ADAMTS14: variants seen among roughly 807,000 people sequenced by gnomAD.
ADAMTS14 encodes A disintegrin and metalloproteinase with thrombospondin motifs 14.
A neutral mutation model predicts 128.6 loss-of-function variants in ADAMTS14; 100 were observed. The ratio of observed to expected loss-of-function variants is 0.78; its 90% confidence interval spans 0.66 to 0.92. The LOEUF is 0.92. Ranked by LOEUF, ADAMTS14 falls within the 40% of genes least tolerant of loss-of-function variation. ADAMTS14 has a pLI of 0.00. For synonymous variants in ADAMTS14, 665 were observed against 653.8 expected (o/e 1.02, Z -0.26); for missense variants, 1,562 against 1,658.6 (o/e 0.94, Z 1.01).
At chr10:70,681,815 G>A (rs1839816410) in intron 2 of ADAMTS14, among the ~76,000 whole-genome samples, 1 of 152,226 alleles carries the variant, frequency 6.6e-6, no homozygotes, top group South Asian at 2.1e-4. Context: ...TGACCTGCAG[G>A]CCTCCTGCCC....
chr10:70,699,585 C>T (rs1840435422), intron 2 of ADAMTS14, among the ~76,000 whole-genome samples: 1 of 152,016 alleles, frequency 6.6e-6, no homozygotes. Context: ...CTTGAAAGGT[C>T]TGTAGCCCAT....
intron 4 of ADAMTS14, among the ~76,000 whole-genome samples, chr10:70,711,387 G>GT (rs1159870213): frequency 6.6e-6 from 1 of 152,208 alleles, no homozygotes; most frequent in Non-Finnish European, 1.5e-5. Context: ...ATCACTACAC[G>GT]TTAGAGAGGG....
intron 4 of ADAMTS14, among the ~76,000 whole-genome samples, chr10:70,710,136 G>A (rs1840800824): frequency 6.6e-6 from 1 of 152,370 alleles, no homozygotes; most frequent in South Asian, 2.1e-4. Context: ...ATAGACCCCA[G>A]CTCAGCATGG....
At chr10:70,704,518 C>A (rs926647452) in intron 3 of ADAMTS14, among the ~76,000 whole-genome samples, 3 of 150,534 alleles carry the variant, frequency 2.0e-5, no homozygotes, top group Non-Finnish European at 4.4e-5. Flanking sequence ...CAAACACACA[C>A]CCATACACCC....
At chr10:70,730,998 G>T (rs998162207) in intron 6 of ADAMTS14, among the ~76,000 whole-genome samples, 4 of 151,680 alleles carry the variant, frequency 2.6e-5, no homozygotes, top group Admixed American at 6.6e-5. Flanking sequence ...GAAATCAGTT[G>T]GTCAGCCCTG....
At position 70,733,955 on chromosome 10, in the gene ADAMTS14, C is replaced by T. The variant is rs1841736371; in HGVS notation, c.1279C>T (p.Pro427Ser). Residue 427 changes from proline to serine, a missense_variant, in exon 8 of 22, where the codon CCC becomes TCC. Pro to Ser is a moderately conservative substitution (Grantham distance 74). Transcript: ENST00000373207. Reference sequence around the variant, plus strand: ...GACCAGCCTGGGCAGCGTCATGGCGCCCCTGGTGCAGGCTGCCTTCCACCG... The same window carrying T: ...GACCAGCCTGGGCAGCGTCATGGCGTCCCTGGTGCAGGCTGCCTTCCACCG... The part of the protein sequence containing the change: ...DETSLGSVMA[P>S]LVQAAFHRFH... The T allele has an allele frequency of 6.2e-7, 1 of 1,613,896 alleles. No individual in the cohort carries two copies. The highest frequency in any genetic ancestry group is 8.5e-7 in the Non-Finnish European group (1 of 1,179,998).
chr10:70,717,183 G>T (rs1841081716), intron 4 of ADAMTS14, among the ~76,000 whole-genome samples: 1 of 152,192 alleles, frequency 6.6e-6, no homozygotes, highest in Admixed American at 6.5e-5. Flanking sequence ...TTTTGGTCTG[G>T]CTGCAAAAAC....
In ADAMTS14 at chr10:70,752,078, G is replaced by A; in HGVS notation, c.2597-17G>A. The stretch of plus-strand genomic sequence containing the variant: ...GCCTGGCTGGACTAGGCCCACGGCA[G>A]CCTGCCCACCCCATAGGGATCCAGT... On this transcript the variant is annotated splice_polypyrimidine_tract_variant and intron_variant, in intron 17 of 21. Transcript: ENST00000373207. 1 of 1,605,180 alleles carries A rather than the reference G, an allele frequency of 6.2e-7. No individual in the cohort carries two copies. Among genetic ancestry groups the A allele is most frequent in the Middle Eastern group, 1.7e-4 (1 of 6,008 alleles).
intron 4 of ADAMTS14, among the ~76,000 whole-genome samples, chr10:70,712,268 G>C (rs1840886048): frequency 6.6e-6 from 1 of 152,178 alleles, no homozygotes; most frequent in South Asian, 2.1e-4. Flanking sequence ...GGGGAAAGGG[G>C]TAGGGGAGAC....
Position 70,743,634 on chromosome 10 carries a change from T to C in ADAMTS14, c.2011T>C (p.Cys671Arg), listed in dbSNP as rs1842074821. Reference sequence around the variant, plus strand: ...CCAGGTGGTTCACGATGGGACACGCTGCAGCTACCGGGACCCATACAGCGT... The same window carrying C: ...CCAGGTGGTTCACGATGGGACACGCCGCAGCTACCGGGACCCATACAGCGT... ...MNQVVHDGTR[C>R]SYRDPYSVCA... Residue 671 changes from cysteine to arginine, a missense_variant, in exon 13 of 22, where the codon TGC becomes CGC. Coordinates refer to ENST00000373207, the MANE Select transcript of ADAMTS14 (RefSeq NM_080722.4). 1 of 1,611,658 alleles carries C rather than the reference T, an allele frequency of 6.2e-7. No individual in the cohort carries two copies. The highest frequency in any genetic ancestry group is 8.5e-7 in the Non-Finnish European group (1 of 1,179,292).
intron 2 of ADAMTS14, among the ~76,000 whole-genome samples, chr10:70,682,853 G>C (rs894422608): frequency 6.6e-6 from 1 of 152,188 alleles, no homozygotes; most frequent in Non-Finnish European, 1.5e-5. Flanking sequence ...GTTTGCTGCT[G>C]GCCCTGAACA....
chr10:70,687,275 C>T (rs1465243191), intron 2 of ADAMTS14, among the ~76,000 whole-genome samples: 671 of 106,626 alleles, frequency 6.3e-3, no homozygotes, highest in African/African-American at 0.02. Context: ...GGCGGCTGGC[C>T]GGGCGTGGGG....
chr10:70,735,648 G>C (rs1841802899), intron 9 of ADAMTS14, among the ~76,000 whole-genome samples: 1 of 152,208 alleles, frequency 6.6e-6, no homozygotes, highest in Non-Finnish European at 1.5e-5. Flanking sequence ...ACCCTCCGGG[G>C]ATGTGCCAAG....
chr10:70,704,998 T>C (rs1358709399), intron 3 of ADAMTS14, among the ~76,000 whole-genome samples: 1 of 151,336 alleles, frequency 6.6e-6, no homozygotes, highest in Non-Finnish European at 1.5e-5. Context: ...TGACACCCCC[T>C]ACATACTCAC....
chr10:70,729,235 G>A (rs1329299057), intron 4 of ADAMTS14, 59 bp from the exon 5 acceptor site: 2 of 1,441,096 alleles, frequency 1.4e-6, no homozygotes, highest in African/African-American at 1.4e-5. Context: ...CCAGTACCTG[G>A]CATGCAGTAG....
intron 4 of ADAMTS14, among the ~76,000 whole-genome samples, chr10:70,714,382 C>T (rs1014977288): frequency 2.0e-5 from 3 of 152,204 alleles, no homozygotes; most frequent in Non-Finnish European, 4.4e-5. Flanking sequence ...ACTTGCTAGT[C>T]TGCCCTCTGG....
rs1364469570 is a variant in ADAMTS14, at chr10:70,677,410, A to AGGG, written c.522+2415_522+2416insGGG. Among the ~76,000 whole-genome samples, 42 of 152,224 alleles carry AGGG rather than the reference A, an allele frequency of 2.8e-4. 2 individuals are homozygous for AGGG. The South Asian group carries it at 8.1e-3, about 29-fold the overall frequency. On this transcript the variant is annotated intron_variant, in intron 2 of 21. Coordinates refer to ENST00000373207, the MANE Select transcript of ADAMTS14 (RefSeq NM_080722.4). ...TGAGCTTTACTCTTCTCATTTGTCCAAAGAGGGACTATACTTGATATTCCC... is the reference window on the plus strand; with the variant it reads ...TGAGCTTTACTCTTCTCATTTGTCCAGGGAAGAGGGACTATACTTGATATTCCC...
chr10:70,754,454 C>T (rs537351120), intron 19 of ADAMTS14, among the ~76,000 whole-genome samples: 4 of 152,246 alleles, frequency 2.6e-5, no homozygotes, highest in Middle Eastern at 3.4e-3. Context: ...AGACTGCAGT[C>T]GGAGCTGGGT....
intron 2 of ADAMTS14, among the ~76,000 whole-genome samples, chr10:70,689,574 G>A (rs550402257): frequency 6.9e-6 from 1 of 145,454 alleles, no homozygotes; most frequent in Admixed American, 6.8e-5. Flanking sequence ...TTTTGTTGCT[G>A]GTAATTCTAA....
Sources: gnomAD v4.1 joint callset for allele counts (sites outside exome capture counted in the v4.1 genomes callset) on GRCh38, gnomAD v4.1.1 for gene constraint, MANE v1.5 for transcripts, NCBI Gene and HGNC (gene_info 2026-07-23, HGNC 2026-07-21) for gene names.